MEIS2: variants seen among roughly 807,000 people sequenced by gnomAD.
The protein encoded by MEIS2 is Meis homeobox 2.
MEIS2 carries 9 observed loss-of-function variants against 58.6 expected under a neutral mutation model. The observed-to-expected ratio is 0.15, with a 90% CI of 0.09 to 0.27. The LOEUF is 0.27. MEIS2 is among the 10% of genes least tolerant of loss of function. The pLI, the probability that MEIS2 is intolerant of heterozygous loss-of-function variation, is 1.00. For missense variants in MEIS2, 427 were observed against 635.0 expected, an observed-to-expected ratio of 0.67 and a Z score of 3.52; for synonymous variants, 221 against 228.4, an observed-to-expected ratio of 0.97 and a Z score of 0.29.
Position 36,971,553 on chromosome 15 carries a change from A to AAAAAAAAAAAG in MEIS2, c.901-21154_901-21153insCTTTTTTTTTT, listed in dbSNP as rs2059569746. Among the ~76,000 whole-genome samples, 23 of 132,066 alleles carry AAAAAAAAAAAG rather than the reference A, an allele frequency of 1.7e-4. 1 individual carries two copies. Among genetic ancestry groups the AAAAAAAAAAAG allele is most frequent in the African/African-American group, 6.8e-4 (20 of 29,564 alleles). The allele number at this position is 132,066 out of a possible 152,430, so 86.6% of individuals were successfully genotyped here. ...TTGTTACATTAAAAAAAAAAAAAAAAAAAAAAAAAAAGGGCTGTTCCAGTG... is the reference window on the plus strand; with the variant it reads ...TTGTTACATTAAAAAAAAAAAAAAAAAAAAAAAAAAGAAAAAAAAAAAGGGCTGTTCCAGTG... On this transcript the variant is annotated intron_variant, in intron 8 of 11. Transcript: ENST00000561208.
At chr15:36,923,577 T>C (rs899925771) in intron 9 of MEIS2, among the ~76,000 whole-genome samples, 4 of 152,210 alleles carry the variant, frequency 2.6e-5, no homozygotes, top group African/African-American at 9.7e-5. Context: ...ACAGTAATAA[T>C]CCTCACAGAA....
At chr15:37,011,103 C>T (rs570986519) in intron 8 of MEIS2, among the ~76,000 whole-genome samples, 37 of 152,276 alleles carry the variant, frequency 2.4e-4, no homozygotes, top group Middle Eastern at 3.4e-3. Flanking sequence ...GTCTATAGAC[C>T]GTCCTCCAGA....
chr15:36,935,780 CT>C (rs536782749), intron 9 of MEIS2, among the ~76,000 whole-genome samples: 135 of 151,964 alleles, frequency 8.9e-4, no homozygotes, highest in Non-Finnish European at 1.6e-3. Flanking sequence ...CATTTTCCCC[CT>C]CTGTATCTCA....
At chr15:37,004,802 C>T (rs1445205262) in intron 8 of MEIS2, among the ~76,000 whole-genome samples, 1 of 152,140 alleles carries the variant, frequency 6.6e-6, no homozygotes, top group Non-Finnish European at 1.5e-5. Flanking sequence ...GATAATGTTC[C>T]ATCAAGATTA....
intron 9 of MEIS2, among the ~76,000 whole-genome samples, chr15:36,912,831 G>GAA (rs76421752): frequency 7.9e-4 from 80 of 100,926 alleles, no homozygotes; most frequent in East Asian, 3.0e-3. Flanking sequence ...CCCCACTCCT[G>GAA]AAAAAAAAAA....
At chr15:36,962,487 T>C (rs1344536532) in intron 8 of MEIS2, among the ~76,000 whole-genome samples, 1 of 152,204 alleles carries the variant, frequency 6.6e-6, no homozygotes, top group Non-Finnish European at 1.5e-5. Flanking sequence ...TAATTCCTAA[T>C]AGAATGTAAA....
At chr15:37,043,608 A>G (rs140448954) in intron 7 of MEIS2, among the ~76,000 whole-genome samples, 2 of 152,018 alleles carry the variant, frequency 1.3e-5, no homozygotes, top group African/African-American at 4.8e-5. Flanking sequence ...ATATACATTT[A>G]CATATGCAAA....
intron 8 of MEIS2, among the ~76,000 whole-genome samples, chr15:36,968,853 G>T (rs187750785): frequency 1.3e-5 from 2 of 150,698 alleles, no homozygotes; most frequent in East Asian, 1.9e-4. Context: ...CATATTTCAC[G>T]CAACTCTTTA....
intron 9 of MEIS2, among the ~76,000 whole-genome samples, chr15:36,914,752 GA>G (rs1290978528): frequency 1.3e-5 from 2 of 152,104 alleles, no homozygotes; most frequent in East Asian, 3.8e-4. Flanking sequence ...AGAGTCATAA[GA>G]AACCTTAACC....
intron 8 of MEIS2, among the ~76,000 whole-genome samples, chr15:37,004,891 C>A (rs535382749): frequency 4.4e-4 from 66 of 151,032 alleles, no homozygotes; most frequent in South Asian, 2.3e-3. Flanking sequence ...GATGGATATC[C>A]CAATTATCCT....
At chr15:36,923,668 G>A (rs2057616282) in intron 9 of MEIS2, among the ~76,000 whole-genome samples, 1 of 152,226 alleles carries the variant, frequency 6.6e-6, no homozygotes, top group African/African-American at 2.4e-5. Context: ...TGCAGAGAAA[G>A]AGAGAGAAGA....
At chr15:37,042,283 G>A (rs2062460264) in intron 7 of MEIS2, among the ~76,000 whole-genome samples, 1 of 152,204 alleles carries the variant, frequency 6.6e-6, no homozygotes, top group Non-Finnish European at 1.5e-5. Context: ...GATAAAAGCA[G>A]TGATGATGTG....
chr15:37,009,424 GACAA>G (rs1248592088), intron 8 of MEIS2, among the ~76,000 whole-genome samples: 2 of 152,138 alleles, frequency 1.3e-5, no homozygotes, highest in African/African-American at 2.4e-5. Flanking sequence ...TTATTTCATT[GACAA>G]ACAATTCCAG....
chr15:37,036,724 C>T (rs898279956), intron 8 of MEIS2, 90 bp downstream of exon 8: 39 of 1,391,558 alleles, frequency 2.8e-5, no homozygotes, highest in Non-Finnish European at 3.7e-5. Flanking sequence ...AAATAGGCAC[C>T]TTAGTTTAAA....
At chr15:37,094,504 G>C in intron 5 of MEIS2, 23 bp downstream of exon 5, 1 of 1,609,788 alleles carries the variant, frequency 6.2e-7, no homozygotes. Flanking sequence ...TAATCAACAC[G>C]GGGAGCGTTA....
At chr15:37,048,863 G>A (rs901528541) in intron 7 of MEIS2, among the ~76,000 whole-genome samples, 2 of 152,192 alleles carry the variant, frequency 1.3e-5, no homozygotes, top group Admixed American at 6.5e-5. Flanking sequence ...ACTGGTTTTA[G>A]GTGAATACTT....
At chr15:36,963,861 G>T (rs994180815) in intron 8 of MEIS2, among the ~76,000 whole-genome samples, 3 of 152,134 alleles carry the variant, frequency 2.0e-5, no homozygotes, top group African/African-American at 7.2e-5. Flanking sequence ...TGAACACATT[G>T]TCTGTTTTCA....
chr15:36,907,500 T>C lies in MEIS2; in HGVS notation c.978-10814A>G, dbSNP rs560946478. On this transcript the variant is annotated intron_variant, in intron 9 of 11. Coordinates refer to ENST00000561208, the MANE Select transcript of MEIS2 (RefSeq NM_170675.5). ...CTCTTTTTTCTAAAGCAGCAGGGGA[T>C]ACTTCAGAAGACCAGATTGGCATGC... 3.9e-5 allele frequency among the ~76,000 whole-genome samples: 6 copies of C among 152,332 alleles called. No individual in the cohort carries two copies. The East Asian group carries it at 1.2e-3, about 29-fold the overall frequency.
chr15:37,044,895 T>C (rs2062597636), intron 7 of MEIS2, among the ~76,000 whole-genome samples: 1 of 152,180 alleles, frequency 6.6e-6, no homozygotes. Flanking sequence ...GTTAGTGAAA[T>C]GTACAGTTTG....
Sources: allele counts gnomAD v4.1 joint callset (sites outside exome capture counted in the v4.1 genomes callset), GRCh38; gene constraint gnomAD v4.1.1; transcripts MANE v1.5; gene names NCBI Gene and HGNC (gene_info 2026-07-23, HGNC 2026-07-21).